The following STPG2 variants were observed in gnomAD, a reference collection of about 807,000 sequenced individuals.
The protein encoded by STPG2 is sperm-tail PG-rich repeat-containing protein 2.
Under a neutral mutation model 54.2 loss-of-function variants are expected in STPG2, and 56 were observed. That is an observed-to-expected ratio of 1.03 (90% CI 0.83 to 1.29). The LOEUF is 1.29. STPG2 is among the 50% of genes most tolerant of loss of function. STPG2 has a pLI of 0.00. For synonymous variants in STPG2, 200 were observed against 181.8 expected (o/e 1.10, Z -0.81); for missense variants, 596 against 544.9 (o/e 1.09, Z -0.93).
chr4:97,617,680 C>T (rs766861556), intron 10 of STPG2, among the ~76,000 whole-genome samples: 18 of 152,106 alleles, frequency 1.2e-4, no homozygotes, highest in Admixed American at 7.2e-4. Flanking sequence ...ACAGACTATT[C>T]CTTTCCCTTT....
intron 8 of STPG2, among the ~76,000 whole-genome samples, chr4:97,938,057 C>T (rs1732815750): frequency 2.6e-5 from 4 of 152,088 alleles, no homozygotes; most frequent in Admixed American, 6.5e-5. Context: ...TGAAGGAAAT[C>T]AGAGTTCTGT....
intron 1 of STPG2, among the ~76,000 whole-genome samples, chr4:98,138,382 G>A (rs1740192513): frequency 6.6e-6 from 1 of 151,962 alleles, no homozygotes; most frequent in Non-Finnish European, 1.5e-5. Flanking sequence ...GATTTGAGAA[G>A]AAAGAAATGA....
chr4:97,918,606 C>CAT lies in STPG2; in HGVS notation c.1044+25289_1044+25290dup, dbSNP rs563373875. On this transcript the variant is annotated intron_variant, in intron 8 of 10. Transcript: ENST00000295268. Reference sequence around the variant, plus strand: ...GTATACACATATATATACACACACACATACACACCATGGAATACTACTAAG... The same window carrying CAT: ...GTATACACATATATATACACACACACATATACACACCATGGAATACTACTAAG... 1.9e-4 allele frequency among the ~76,000 whole-genome samples: 29 copies of CAT among 152,000 alleles called. 1 individual carries two copies. In the South Asian group the frequency reaches 5.0e-3, roughly 26 times the overall value.
At chr4:97,889,208 C>T (rs1730681539) in intron 8 of STPG2, among the ~76,000 whole-genome samples, 1 of 152,120 alleles carries the variant, frequency 6.6e-6, no homozygotes, top group South Asian at 2.1e-4. Flanking sequence ...AAAGGGAAAC[C>T]TAGCACACTG....
intron 5 of STPG2, among the ~76,000 whole-genome samples, chr4:97,991,984 A>C (rs1333933994): frequency 1.3e-5 from 2 of 151,860 alleles, no homozygotes; most frequent in African/African-American, 4.8e-5. Flanking sequence ...GTTTCTTATA[A>C]ATTCTGAATA....
chr4:97,939,927 A>G (rs1447911178), intron 8 of STPG2, among the ~76,000 whole-genome samples: 1 of 152,134 alleles, frequency 6.6e-6, no homozygotes, highest in Non-Finnish European at 1.5e-5. Context: ...TGTGTTTCAT[A>G]TTAGCTGGTA....
At chr4:98,053,321 C>T (rs992111017) in intron 5 of STPG2, among the ~76,000 whole-genome samples, 3 of 152,104 alleles carry the variant, frequency 2.0e-5, no homozygotes, top group African/African-American at 7.2e-5. Context: ...AAACATGCAA[C>T]AAGAGATCCA....
intron 5 of STPG2, among the ~76,000 whole-genome samples, chr4:98,039,577 C>G (rs1198358865): frequency 6.6e-6 from 1 of 151,020 alleles, no homozygotes; most frequent in Non-Finnish European, 1.5e-5. Flanking sequence ...GGGTGCAATG[C>G]ACATTATTTG....
At chr4:97,702,025 G>A (rs1275139535) in intron 10 of STPG2, among the ~76,000 whole-genome samples, 4 of 152,216 alleles carry the variant, frequency 2.6e-5, no homozygotes, top group Non-Finnish European at 4.4e-5. Flanking sequence ...GTTTCACAAC[G>A]CATTGTTCAG....
At chr4:97,902,707 T>A (rs1355296191) in intron 8 of STPG2, among the ~76,000 whole-genome samples, 3 of 152,114 alleles carry the variant, frequency 2.0e-5, no homozygotes, top group Non-Finnish European at 4.4e-5. Context: ...GTATGTAAAT[T>A]GGTACAGTCA....
At chr4:97,911,309 T>C (rs1731670157) in intron 8 of STPG2, among the ~76,000 whole-genome samples, 1 of 152,320 alleles carries the variant, frequency 6.6e-6, no homozygotes, top group Non-Finnish European at 1.5e-5. Context: ...TCCATTCCTG[T>C]AGAAAAGCCA....
chr4:97,864,613 A>G (rs544585146), intron 8 of STPG2, among the ~76,000 whole-genome samples: 1 of 152,322 alleles, frequency 6.6e-6, no homozygotes, highest in South Asian at 2.1e-4. Context: ...TATGGAATCA[A>G]AAAAGAGCCC....
At chr4:98,106,091 G>A in intron 4 of STPG2, 27 bp from the exon 5 acceptor site, 1 of 1,329,634 alleles carries the variant, frequency 7.5e-7, no homozygotes, top group Non-Finnish European at 1.0e-6. Flanking sequence ...TAGAAATTAA[G>A]AATTCTCAAT....
chr4:97,523,956 A>G (rs1320637928), intron 4 of STPG2, among the ~76,000 whole-genome samples: 2 of 151,982 alleles, frequency 1.3e-5, no homozygotes, highest in Non-Finnish European at 2.9e-5. Flanking sequence ...AAAACCTCAG[A>G]TAACTGAATC....
chr4:97,449,317 T>C (rs1194560722), intron 4 of STPG2, among the ~76,000 whole-genome samples: 2 of 152,164 alleles, frequency 1.3e-5, no homozygotes, highest in Non-Finnish European at 2.9e-5. Context: ...TCTCTCAGCA[T>C]TTATCCTTTC....
intron 10 of STPG2, among the ~76,000 whole-genome samples, chr4:97,561,489 T>G (rs1383036182): frequency 1.3e-5 from 2 of 152,218 alleles, no homozygotes; most frequent in East Asian, 1.9e-4. Context: ...TTGTTGCCAC[T>G]GCTTTTGGTG....
At chr4:97,714,110 T>C (rs1376923871) in intron 9 of STPG2, among the ~76,000 whole-genome samples, 1 of 152,058 alleles carries the variant, frequency 6.6e-6, no homozygotes, top group Non-Finnish European at 1.5e-5. Flanking sequence ...AACAGTGAAA[T>C]AGAAGAGTAG....
rs147800346 is a variant in STPG2 at position 97,543,903 on chromosome 4, G to A, written c.462+168796C>T. 4.2e-3 allele frequency among the ~76,000 whole-genome samples: 632 copies of A among 152,094 alleles called. 3 individuals carry two copies. Among genetic ancestry groups the A allele is most frequent in the South Asian group, 0.02 (98 of 4,818 alleles). The stretch of plus-strand genomic sequence containing the variant: ...CCTGGTAGAGCTCAAATATTTGCAT[G>A]ATTAGCAGACTCTTGACACATGTAA... On this transcript the variant is annotated intron_variant, in intron 4 of 4. Coordinates refer to the STPG2 transcript ENST00000522676.
At position 97,464,299 on chromosome 4, in the gene STPG2, G is replaced by A. The variant is rs78462762; in HGVS notation, c.462+248400C>T. Reference sequence around the variant, plus strand: ...CAACTACTTATATAGCATTTACATCGCATTAGGTATTATAAGTAATCTAGA... The same window carrying A: ...CAACTACTTATATAGCATTTACATCACATTAGGTATTATAAGTAATCTAGA... On this transcript the variant is annotated intron_variant, in intron 4 of 4. Transcript: ENST00000522676. Among the ~76,000 whole-genome samples the A allele has an allele frequency of 1.9e-3, 286 of 152,166 alleles. 1 individual carries two copies. Among genetic ancestry groups the A allele is most frequent in the African/African-American group, 6.4e-3 (267 of 41,522 alleles).
Sources: gnomAD v4.1 joint callset for allele counts (sites outside exome capture counted in the v4.1 genomes callset) on GRCh38, gnomAD v4.1.1 for gene constraint, MANE v1.5 for transcripts, NCBI Gene and HGNC (gene_info 2026-07-23, HGNC 2026-07-21) for gene names.